Variants in PTPRG observed in about 807,000 individuals in gnomAD.
PTPRG encodes receptor-type tyrosine-protein phosphatase gamma.
In PTPRG, 102 loss-of-function variants were observed where a neutral mutation model predicts 165.3. That is an observed-to-expected ratio of 0.62 (90% confidence interval 0.53 to 0.73). PTPRG has a LOEUF of 0.73. Ranked by LOEUF, PTPRG falls within the 30% of genes least tolerant of loss-of-function variation. The pLI, the probability that PTPRG is intolerant of heterozygous loss-of-function variation, is 0.00. For synonymous variants in PTPRG, 675 were observed against 669.5 expected (o/e 1.01, Z -0.13); for missense variants, 1,866 against 1,861.4 (o/e 1.00, Z -0.05).
chr3:62,165,762 AT>A, intron 7 of PTPRG, among the ~76,000 whole-genome samples: 1 of 152,260 alleles, frequency 6.6e-6, no homozygotes, highest in Non-Finnish European at 1.5e-5. Flanking sequence ...TGATAGGTGA[AT>A]TCATATACTT....
chr3:61,836,078 T>C (rs2036452774), intron 2 of PTPRG, among the ~76,000 whole-genome samples: 1 of 93,474 alleles, frequency 1.1e-5, no homozygotes, highest in African/African-American at 4.3e-5. Flanking sequence ...AAAAAATATA[T>C]ATATATATAC....
chr3:61,599,659 A>ATT (rs11382935), intron 1 of PTPRG, among the ~76,000 whole-genome samples: 45 of 146,206 alleles, frequency 3.1e-4, no homozygotes, highest in East Asian at 1.2e-3. Flanking sequence ...TGCCTCCCTA[A>ATT]TTTTTTTTTT....
intron 1 of PTPRG, among the ~76,000 whole-genome samples, chr3:61,711,340 T>C (rs535906194): frequency 1.3e-5 from 2 of 152,354 alleles, no homozygotes; most frequent in South Asian, 4.1e-4. Context: ...CCTTGAGTTA[T>C]CACAACACTG....
chr3:61,802,509 T>C (rs1460348271), intron 2 of PTPRG, among the ~76,000 whole-genome samples: 1 of 152,196 alleles, frequency 6.6e-6, no homozygotes, highest in Non-Finnish European at 1.5e-5. Context: ...GTTATGCCGG[T>C]TTCTTAGGTA....
At chr3:61,691,310 T>TA (rs1335486022) in intron 1 of PTPRG, among the ~76,000 whole-genome samples, 2 of 152,176 alleles carry the variant, frequency 1.3e-5, no homozygotes, top group Admixed American at 6.5e-5. Flanking sequence ...TGGAGGCTGA[T>TA]ACAAGAGGAT....
chr3:61,769,007 CCTTT>C (rs1345320737), intron 2 of PTPRG, among the ~76,000 whole-genome samples: 9 of 152,224 alleles, frequency 5.9e-5, no homozygotes, highest in African/African-American at 2.2e-4. Flanking sequence ...GAAGTATTTT[CCTTT>C]CTTCTTTATT....
chr3:62,274,642 T>C (rs1438485201), intron 23 of PTPRG, among the ~76,000 whole-genome samples: 1 of 152,184 alleles, frequency 6.6e-6, no homozygotes, highest in Non-Finnish European at 1.5e-5. Flanking sequence ...AAACTTTCCA[T>C]AGACTGAAAC....
intron 1 of PTPRG, chr3:61,742,735 C>A (rs1485993087): frequency 6.2e-7 from 1 of 1,610,314 alleles, no homozygotes; most frequent in Admixed American, 1.7e-5. Flanking sequence ...TAGACCTGGG[C>A]CGAGGATTCG....
In PTPRG at chr3:61,741,480, C is replaced by T. The variant is rs73101411; in HGVS notation, c.86-7398C>T. Among the ~76,000 whole-genome samples the T allele has an allele frequency of 6.3e-3, 961 of 152,298 alleles. 6 individuals are homozygous for T. Among genetic ancestry groups the T allele is most frequent in the Admixed American group, 0.011 (171 of 15,290 alleles). ...TTTTATATGGAAGCTGACCTATTCT[C>T]CCAGGCTTCTAAGTCCTTTGGAATG... On this transcript the variant is annotated intron_variant, in intron 1 of 29. Transcript: ENST00000474889.
chr3:61,993,083 T>G (rs897568239), intron 3 of PTPRG, among the ~76,000 whole-genome samples: 6 of 152,230 alleles, frequency 3.9e-5, no homozygotes, highest in African/African-American at 1.2e-4. Flanking sequence ...ACAGTGCATA[T>G]TAGTGCAGGC....
chr3:61,627,021 T>C lies in PTPRG; in HGVS notation c.85+64649T>C, dbSNP rs554933255. On this transcript the variant is annotated intron_variant, in intron 1 of 29. Coordinates refer to ENST00000474889, the MANE Select transcript of PTPRG (RefSeq NM_002841.4). ...GCTTAAAGAGGCAGAGAAAAGCCTT[T>C]GGATTAAAAGAGACTTGAGAGACCT... is the stretch of plus-strand genomic sequence containing the variant. Among the ~76,000 whole-genome samples, 13 of 152,316 alleles carry C rather than the reference T, an allele frequency of 8.5e-5. No individual in the cohort carries two copies. In the South Asian group the frequency reaches 2.1e-3, roughly 24 times the overall value.
chr3:62,245,665 T>C lies in PTPRG; in HGVS notation c.2467+1767T>C, dbSNP rs879821751. The stretch of plus-strand genomic sequence containing the variant: ...TGCCTATTCTCCTTGCCTTTTGAGG[T>C]AACTGTCAAGACAACAGTAGATGAT... On this transcript the variant is annotated intron_variant, in intron 15 of 29. Coordinates refer to ENST00000474889, the MANE Select transcript of PTPRG (RefSeq NM_002841.4). The surrounding 1 kb of genome is among the most constrained non-coding windows in gnomAD (Gnocchi z 4.2). 6.6e-6 allele frequency among the ~76,000 whole-genome samples: 1 copy of C among 152,108 alleles called. No homozygotes were observed. The highest frequency in any genetic ancestry group is 1.5e-5 in the Non-Finnish European group (1 of 68,020).
chr3:61,672,592 G>T (rs1160741329), intron 1 of PTPRG, among the ~76,000 whole-genome samples: 2 of 144,148 alleles, frequency 1.4e-5, no homozygotes, highest in Admixed American at 1.4e-4. Context: ...TGGCGGCGCC[G>T]CCTGCAATTG....
At chr3:61,873,413 AATC>A (rs1434288978) in intron 2 of PTPRG, among the ~76,000 whole-genome samples, 1 of 152,202 alleles carries the variant, frequency 6.6e-6, no homozygotes, top group Non-Finnish European at 1.5e-5. Flanking sequence ...AAAAATATGA[AATC>A]ATATTTTAAA....
At position 62,273,866 on chromosome 3, in the gene PTPRG, T is replaced by A. The variant is rs902967787; in HGVS notation, c.3465+22T>A. ...CAAGGTAGTGCTTTGAAAAAGTTTC[T>A]TTGGCATAAAGCAAGAAAATGTTTT... is the stretch of plus-strand genomic sequence containing the variant. On this transcript the variant is annotated intron_variant, in intron 23 of 29. Coordinates refer to ENST00000474889, the MANE Select transcript of PTPRG (RefSeq NM_002841.4). The surrounding 1 kb of genome is among the most constrained non-coding windows in gnomAD (Gnocchi z 4.1). 6.2e-7 allele frequency: 1 copy of A among 1,610,374 alleles called. No homozygotes were observed. Among genetic ancestry groups the A allele is most frequent in the African/African-American group, 1.3e-5 (1 of 74,848 alleles).
At chr3:61,837,979 G>A (rs1718705) in intron 2 of PTPRG, among the ~76,000 whole-genome samples, 1 of 151,908 alleles carries the variant, frequency 6.6e-6, no homozygotes, top group Admixed American at 6.6e-5. Flanking sequence ...TCAGGCCCCC[G>A]ACACTTTTGC....
intron 1 of PTPRG, among the ~76,000 whole-genome samples, chr3:61,609,653 T>C (rs2106869175): frequency 6.6e-6 from 1 of 152,066 alleles, no homozygotes; most frequent in South Asian, 2.1e-4. Flanking sequence ...GCCCAAGAGT[T>C]TGAGACTAGC....
intron 8 of PTPRG, among the ~76,000 whole-genome samples, chr3:62,182,845 C>A (rs1320004688): frequency 1.3e-5 from 2 of 152,060 alleles, no homozygotes; most frequent in Admixed American, 1.3e-4. Flanking sequence ...TTAGTAGAGA[C>A]GGGGTTTCAC....
rs532697087 is a variant in PTPRG at position 61,674,187 on chromosome 3, A to AT, written c.86-74691_86-74690insT. Among the ~76,000 whole-genome samples the AT allele has an allele frequency of 7.1e-3, 1,078 of 152,056 alleles. 12 individuals carry two copies. Among genetic ancestry groups the AT allele is most frequent in the African/African-American group, 0.024 (1,005 of 41,404 alleles). On this transcript the variant is annotated intron_variant, in intron 1 of 29. Transcript: ENST00000474889. The stretch of plus-strand genomic sequence containing the variant: ...CCAGAACAAGTATAATAATAATAAA[A>AT]AAAAAAAAGAAACATGGCTTTGCAT...
Sources: allele counts gnomAD v4.1 joint callset (sites outside exome capture counted in the v4.1 genomes callset), GRCh38; gene constraint gnomAD v4.1.1; non-coding constraint Gnocchi (gnomAD v3.1); transcripts MANE v1.5; gene names NCBI Gene and HGNC (gene_info 2026-07-23, HGNC 2026-07-21).